The following KNDC1 variants were observed in gnomAD, a reference collection of about 807,000 sequenced individuals.
The protein encoded by KNDC1 is kinase non-catalytic C-lobe domain containing 1.
KNDC1 carries 106 observed loss-of-function variants against 172.8 expected under a neutral mutation model. The ratio of observed to expected loss-of-function variants is 0.61; its 90% confidence interval spans 0.52 to 0.72. The LOEUF is 0.72. Ranked by LOEUF, KNDC1 falls within the 30% of genes least tolerant of loss-of-function variation. KNDC1 has a pLI of 0.00. For missense variants in KNDC1, 2,325 were observed against 2,394.5 expected (o/e 0.97, Z 0.61); for synonymous variants, 1,083 against 1,062.2 (o/e 1.02, Z -0.38).
At chr10:133,220,897 T>C (rs1845574266) in intron 29 of KNDC1, among the ~76,000 whole-genome samples, 1 of 151,958 alleles carries the variant, frequency 6.6e-6, no homozygotes, top group South Asian at 2.1e-4. Flanking sequence ...CACGCTCAGG[T>C]GGCACCTCTC....
rs758373191 is a variant in KNDC1, at chr10:133,200,400, C to A, written c.2929C>A (p.Leu977Ile). ...PSTAEEAGSQ[L>I]EGSQSPRSPS... Reference sequence around the variant, plus strand: ...CACGGCCGAGGAGGCTGGGTCACAGCTCGAGGGCAGCCAAAGCCCCCGCTC... The same window carrying A: ...CACGGCCGAGGAGGCTGGGTCACAGATCGAGGGCAGCCAAAGCCCCCGCTC... Residue 977 changes from leucine (L) to isoleucine (I), a missense_variant, in exon 16 of 30, where the codon CTC becomes ATC. Transcript: ENST00000304613. 3 of 1,597,892 alleles carry A rather than the reference C, an allele frequency of 1.9e-6. No individual in the cohort carries two copies. In the Admixed American group the frequency reaches 5.1e-5, roughly 27 times the overall value.
At chr10:133,177,957 A>T (rs1348775883) in intron 3 of KNDC1, among the ~76,000 whole-genome samples, 2 of 143,314 alleles carry the variant, frequency 1.4e-5, no homozygotes, top group South Asian at 4.5e-4. Context: ...GTGTAGCATG[A>T]TGTATGTGTG....
chr10:133,197,242 C>G, intron 11 of KNDC1, 107 bp downstream of exon 11: 1 of 831,870 alleles, frequency 1.2e-6, no homozygotes, highest in Non-Finnish European at 2.0e-6. Flanking sequence ...ACACCCCGGT[C>G]TCTGTTGACC....
Position 133,201,531 on chromosome 10 carries a change from G to A in KNDC1, c.3020G>A (p.Ser1007Asn), listed in dbSNP as rs1324728615. 7 of 1,608,946 alleles carry A rather than the reference G, an allele frequency of 4.4e-6. No homozygotes were observed. In the African/African-American group the frequency reaches 9.4e-5, roughly 22 times the overall value. ...GKEKPAMARTSSRAPCSPTSV... is the reference protein window; with the variant it reads ...GKEKPAMARTNSRAPCSPTSV... ...GAGAAGCCAGCCATGGCCAGGACCAGCAGCAGGGCCCCCTGCTCACCCACC... is the reference window on the plus strand; with the variant it reads ...GAGAAGCCAGCCATGGCCAGGACCAACAGCAGGGCCCCCTGCTCACCCACC... The change falls in exon 17 of 30, where the codon AGC (serine) becomes AAC (asparagine). Residue 1007 changes from serine (S) to asparagine (N), a missense_variant. By Grantham distance (46) the Ser-to-Asn change is conservative. Coordinates refer to ENST00000304613, the MANE Select transcript of KNDC1 (RefSeq NM_152643.8).
Position 133,185,994 on chromosome 10 carries a change from C to A in KNDC1, c.646C>A (p.Arg216=), listed in dbSNP as rs750643175. The A allele has an allele frequency of 6.3e-7, 1 of 1,596,864 alleles. No individual in the cohort carries two copies. The highest frequency in any genetic ancestry group is 1.3e-5 in the African/African-American group (1 of 74,144). ...CCCAGATGTCAGCGAGAGCAGCTGG[C>A]GGGAGAGACCTGCCCCAGGAAACGC... ...ALQDVSESSW[R]ERPAPGNAGP... is the part of the protein sequence containing the mutation. The change falls in exon 6 of 30, where the codon CGG becomes AGG. Residue 216 remains arginine (R), a synonymous_variant. Coordinates refer to ENST00000304613, the MANE Select transcript of KNDC1 (RefSeq NM_152643.8).
Position 133,197,064 on chromosome 10 carries a change from G to A in KNDC1, c.1741G>A (p.Gly581Ser), listed in dbSNP as rs35152544. 94,354 of 1,612,060 alleles carry A rather than the reference G, an allele frequency of 0.059. 3,072 individuals are homozygous for A. Among genetic ancestry groups the A allele is most frequent in the African/African-American group, 0.086 (6,427 of 74,976 alleles). ...PSAAEAIKVC[G>S]SYLLQRGMDS... ...AACTGTCTCCTCCCTCCAGGTGTGCGGCAGCTACCTCCTCCAGCGAGGCAT... is the reference window on the plus strand; with the variant it reads ...AACTGTCTCCTCCCTCCAGGTGTGCAGCAGCTACCTCCTCCAGCGAGGCAT... Residue 581 changes from glycine to serine, a missense_variant, in exon 11 of 30, where the codon GGC becomes AGC. Transcript: ENST00000304613.
intron 12 of KNDC1, 116 bp from the exon 13 acceptor site, chr10:133,198,221 G>C: frequency 8.1e-7 from 1 of 1,235,408 alleles, no homozygotes; most frequent in African/African-American, 1.5e-5. Context: ...GGCCATGCGG[G>C]AGGGGACGCG....
intron 15 of KNDC1, 91 bp from the exon 16 acceptor site, chr10:133,200,284 A>T: frequency 1.1e-6 from 1 of 950,614 alleles, no homozygotes; most frequent in Non-Finnish European, 1.5e-6. Flanking sequence ...AGCTCCGCAT[A>T]GACGTGTGGG....
intron 17 of KNDC1, among the ~76,000 whole-genome samples, chr10:133,205,097 A>C (rs1013761865): frequency 6.7e-6 from 1 of 149,338 alleles, no homozygotes; most frequent in Non-Finnish European, 1.5e-5. Flanking sequence ...CTGCCCCTGT[A>C]CCCCTAGAGG....
chr10:133,199,506 G>A lies in KNDC1; in HGVS notation c.2807G>A (p.Gly936Asp), dbSNP rs759684945. 3 of 1,613,932 alleles carry A rather than the reference G, an allele frequency of 1.9e-6. No individual in the cohort carries two copies. Among genetic ancestry groups the A allele is most frequent in the Non-Finnish European group, 2.5e-6 (3 of 1,179,988 alleles). The part of the protein sequence containing the change: ...LKDLTFATFC[G>D]AISEKFCDLY... Reference sequence around the variant, plus strand: ...GATCTCACCTTTGCCACTTTCTGTGGCGCCATTTCCGAGAAGTTCTGTGAC... The same window carrying A: ...GATCTCACCTTTGCCACTTTCTGTGACGCCATTTCCGAGAAGTTCTGTGAC... Residue 936 changes from glycine to aspartate, a missense_variant, in exon 15 of 30, where the codon GGC (glycine) becomes GAC (aspartate). Gly to Asp is a moderately conservative substitution (Grantham distance 94, BLOSUM62 -1). Coordinates refer to ENST00000304613, the MANE Select transcript of KNDC1 (RefSeq NM_152643.8).
At position 133,214,113 on chromosome 10, in the gene KNDC1, C is replaced by T; in HGVS notation, c.4668C>T (p.His1556=). The change falls in exon 26 of 30, where the codon CAC becomes CAT. Residue 1556 remains histidine (H), a synonymous_variant. Coordinates refer to ENST00000304613, the MANE Select transcript of KNDC1 (RefSeq NM_152643.8). ...TWVAAEIVTS[H]TSKLQVNLLS... is the part of the protein sequence containing the mutation. ...TGGCTGCAGAGATTGTGACCAGCCA[C>T]ACCTCCAAGGTGGGCACCCTACAGT... 3 of 1,614,102 alleles carry T rather than the reference C, an allele frequency of 1.9e-6. No individual in the cohort carries two copies. The highest frequency in any genetic ancestry group is 2.5e-6 in the Non-Finnish European group (3 of 1,180,014).
At position 133,199,058 on chromosome 10, in the gene KNDC1, C is replaced by T; in HGVS notation, c.2550C>T (p.Thr850=). 6.3e-7 allele frequency: 1 copy of T among 1,599,698 alleles called. No individual in the cohort carries two copies. Among genetic ancestry groups the T allele is most frequent in the Non-Finnish European group, 8.5e-7 (1 of 1,174,170 alleles). ...PGQEPEGPGA[T]PAGERDDQSP... ...AGGAGCCAGAGGGCCCCGGGGCCAC[C>T]CCTGCCGGGGAACGTGATGACCAGA... The change falls in exon 14 of 30, where the codon ACC becomes ACT. Residue 850 remains threonine, a synonymous_variant. Coordinates refer to ENST00000304613, the MANE Select transcript of KNDC1 (RefSeq NM_152643.8).
At position 133,213,873 on chromosome 10, in the gene KNDC1, C is replaced by T. The variant is rs544844380; in HGVS notation, c.4527-99C>T. ...TGGTGTCTGCCAGTTGGAGCGGCCT[C>T]GTGGCCCGACCCCAGCCCACCCTGC... On this transcript the variant is annotated intron_variant, in intron 25 of 29. Coordinates refer to ENST00000304613, the MANE Select transcript of KNDC1 (RefSeq NM_152643.8). 5.4e-5 allele frequency: 82 copies of T among 1,516,732 alleles called. 1 individual carries two copies. The Middle Eastern group carries it at 7.0e-4, about 13-fold the overall frequency. The allele number at this position is 1,516,732 out of a possible 1,614,324, so 94.0% of individuals were successfully genotyped here. A position where few individuals can be genotyped will look rare whatever the true frequency, so the allele number is the denominator to read the frequency against.
chr10:133,211,823 T>G lies in KNDC1; in HGVS notation c.4201T>G (p.Cys1401Gly). 1 of 1,609,924 alleles carries G rather than the reference T, an allele frequency of 6.2e-7. No individual in the cohort carries two copies. The highest frequency in any genetic ancestry group is 8.5e-7 in the Non-Finnish European group (1 of 1,179,106). ...EEDARPFNAL[C>G]KRLSEDGISR... Reference sequence around the variant, plus strand: ...GGATGCCAGACCCTTCAACGCCCTCTGTAAGAGGCTCTCAGAGGACGGCAT... The same window carrying G: ...GGATGCCAGACCCTTCAACGCCCTCGGTAAGAGGCTCTCAGAGGACGGCAT... The change falls in exon 23 of 30, where the codon TGT (cysteine) becomes GGT (glycine). Residue 1401 changes from cysteine to glycine, a missense_variant. Physicochemically the swap from Cys to Gly is radical, Grantham distance 159. Transcript: ENST00000304613.
chr10:133,200,557 G>A, intron 16 of KNDC1, 97 bp downstream of exon 16: 2 of 957,622 alleles, frequency 2.1e-6, no homozygotes, highest in Non-Finnish European at 2.9e-6. Context: ...AGCAGCCTCA[G>A]ACTGCACTGC....
In KNDC1 at chr10:133,163,226, C is replaced by T. The variant is rs1211279861; in HGVS notation, c.102+2657C>T. Among the ~76,000 whole-genome samples, 4 of 152,132 alleles carry T rather than the reference C, an allele frequency of 2.6e-5. No individual in the cohort carries two copies. The highest frequency in any genetic ancestry group is 4.4e-5 in the Non-Finnish European group (3 of 68,024). The stretch of plus-strand genomic sequence containing the variant: ...TTCAGATGAGACGAAGAGGGTGCAC[C>T]GGTTTGGGTGCCAGAGCAGGACGTG... On this transcript the variant is annotated intron_variant, in intron 1 of 29. Coordinates refer to ENST00000304613, the MANE Select transcript of KNDC1 (RefSeq NM_152643.8). The surrounding 1 kb of genome is among the most constrained non-coding windows in gnomAD (Gnocchi z 4.4).
chr10:133,211,950 CAT>C, intron 23 of KNDC1, 92 bp downstream of exon 23: 4 of 1,290,018 alleles, frequency 3.1e-6, no homozygotes, highest in African/African-American at 3.0e-5. Flanking sequence ...CATGCACACA[CAT>C]ACACACAAGT....
intron 3 of KNDC1, among the ~76,000 whole-genome samples, chr10:133,176,808 G>A (rs1853549871): frequency 6.6e-6 from 1 of 152,192 alleles, no homozygotes; most frequent in Non-Finnish European, 1.5e-5. Flanking sequence ...CTGCATCTAG[G>A]CTGAGGGAGG....
At chr10:133,184,661 C>G (rs57116706) in intron 5 of KNDC1, among the ~76,000 whole-genome samples, 8,696 of 152,250 alleles carry the variant, frequency 0.057, 776 homozygotes, top group African/African-American at 0.19. Context: ...CATGCTGGTC[C>G]TATGCACACA....
Sources: gnomAD v4.1 joint callset for allele counts (sites outside exome capture counted in the v4.1 genomes callset) on GRCh38, gnomAD v4.1.1 for gene constraint, Gnocchi (gnomAD v3.1) non-coding constraint, MANE v1.5 for transcripts, NCBI Gene and HGNC (gene_info 2026-07-23, HGNC 2026-07-21) for gene names.